The following R3HDM2 variants were observed in gnomAD, a reference collection of about 807,000 sequenced individuals.
The protein encoded by R3HDM2 is R3H domain-containing protein 2.
In R3HDM2, 38 loss-of-function variants were observed where a neutral mutation model predicts 124.5. That is an observed-to-expected ratio of 0.31 (90% CI 0.24 to 0.40). The LOEUF (loss-of-function observed/expected upper bound fraction) is 0.40, where lower values mean the gene tolerates loss of function less well. Ranked by LOEUF, R3HDM2 falls within the 10% of genes least tolerant of loss-of-function variation. The pLI, the probability that R3HDM2 is intolerant of heterozygous loss-of-function variation, is 1.00. For synonymous variants in R3HDM2, 391 were observed against 448.0 expected (o/e 0.87, Z 1.61); for missense variants, 869 against 1,236.9 (o/e 0.70, Z 4.46).
At chr12:57,346,570 T>A (rs2060114311) in intron 2 of R3HDM2, among the ~76,000 whole-genome samples, 1 of 152,108 alleles carries the variant, frequency 6.6e-6, no homozygotes, top group African/African-American at 2.4e-5. Flanking sequence ...AGAGAAAATA[T>A]CCTTCAGTAA....
chr12:57,360,469 TA>T (rs1207590893), intron 2 of R3HDM2, among the ~76,000 whole-genome samples: 5 of 151,954 alleles, frequency 3.3e-5, no homozygotes, highest in African/African-American at 7.2e-5. Context: ...CCCCCATCTC[TA>T]AAAAAAATTT....
chr12:57,393,043 A>C (rs2066952252), intron 2 of R3HDM2, among the ~76,000 whole-genome samples: 1 of 151,388 alleles, frequency 6.6e-6, no homozygotes, highest in South Asian at 2.1e-4. Context: ...TGACCTCGTG[A>C]TCCACCCGCC....
At chr12:57,316,034 T>C (rs2054936530) in intron 2 of R3HDM2, among the ~76,000 whole-genome samples, 1 of 152,142 alleles carries the variant, frequency 6.6e-6, no homozygotes, top group African/African-American at 2.4e-5. Context: ...GAGGCAGAGG[T>C]TGCAGTGAGC....
chr12:57,413,844 CCCCTT>C (rs1418731819), intron 1 of R3HDM2, among the ~76,000 whole-genome samples: 3 of 104,756 alleles, frequency 2.9e-5, no homozygotes, highest in African/African-American at 6.8e-5. Context: ...TGTAATCCCC[CCCCTT>C]TTTTTTTTTT....
intron 1 of R3HDM2, among the ~76,000 whole-genome samples, chr12:57,429,163 G>A (rs1868931646): frequency 6.6e-6 from 1 of 152,090 alleles, no homozygotes; most frequent in Admixed American, 6.6e-5. Flanking sequence ...GAGGCCAGAG[G>A]ATCACTTGAG....
intron 2 of R3HDM2, among the ~76,000 whole-genome samples, chr12:57,348,550 C>T (rs2060281384): frequency 6.6e-6 from 1 of 151,978 alleles, no homozygotes; most frequent in Non-Finnish European, 1.5e-5. Flanking sequence ...AAAAATTTGC[C>T]AGGTGTGGTG....
chr12:57,348,703 A>AG (rs2060310108), intron 2 of R3HDM2, among the ~76,000 whole-genome samples: 1 of 43,178 alleles, frequency 2.3e-5, no homozygotes, highest in Non-Finnish European at 6.1e-5. Flanking sequence ...CAAAAAAAAA[A>AG]AAAAAAAAAA....
At chr12:57,421,772 G>A (rs1016396641) in intron 1 of R3HDM2, among the ~76,000 whole-genome samples, 1 of 152,192 alleles carries the variant, frequency 6.6e-6, no homozygotes, top group South Asian at 2.1e-4. Flanking sequence ...CTCCCAAAGT[G>A]CTGGATTATA....
chr12:57,297,286 C>G, intron 8 of R3HDM2, 42 bp downstream of exon 8: 3 of 1,031,314 alleles, frequency 2.9e-6, no homozygotes, highest in Non-Finnish European at 4.3e-6. Context: ...TTTCCAGTGC[C>G]CCCTCCCACC....
In R3HDM2 at chr12:57,269,395, G is replaced by A; in HGVS notation, c.1642C>T (p.Arg548Ter). ...GQYPNSNQQY[R>*]PLSHPVAYSP... The stretch of plus-strand genomic sequence containing the variant: ...TAGGCCACCGGGTGAGAGAGAGGTC[G>A]ATATTGCTGGTTGGAGTTAGGATAT... The change falls in exon 16 of 24, where the codon CGA becomes TGA. Residue 548 changes from arginine to a stop codon, truncating the protein, a stop_gained. Transcript: ENST00000402412. LOFTEE classifies it high-confidence loss of function. 1.2e-6 allele frequency: 2 copies of A among 1,614,138 alleles called. No homozygotes were observed. The highest frequency in any genetic ancestry group is 1.7e-6 in the Non-Finnish European group (2 of 1,180,008).
chr12:57,272,689 G>T (rs1289511226), intron 14 of R3HDM2: 3 of 606,922 alleles, frequency 4.9e-6, no homozygotes, highest in South Asian at 2.0e-5. Flanking sequence ...AATCATAGAA[G>T]AAATTTCACA....
chr12:57,417,060 G>A (rs1358302314), intron 1 of R3HDM2, among the ~76,000 whole-genome samples: 1 of 151,934 alleles, frequency 6.6e-6, no homozygotes, highest in Non-Finnish European at 1.5e-5. Context: ...GGAGGTTGCA[G>A]TGAGCCGAGA....
chr12:57,426,088 C>G (rs935487683), intron 1 of R3HDM2, among the ~76,000 whole-genome samples: 1 of 151,948 alleles, frequency 6.6e-6, no homozygotes, highest in Non-Finnish European at 1.5e-5. Context: ...ATTATCCAGG[C>G]GTGGTAGCCG....
At chr12:57,393,181 G>A (rs997118986) in intron 2 of R3HDM2, among the ~76,000 whole-genome samples, 1 of 151,316 alleles carries the variant, frequency 6.6e-6, no homozygotes, top group Non-Finnish European at 1.5e-5. Flanking sequence ...TTGGCTCACT[G>A]CAACCTCCAC....
At chr12:57,399,230 C>T (rs1566487867) in intron 1 of R3HDM2, among the ~76,000 whole-genome samples, 1 of 151,758 alleles carries the variant, frequency 6.6e-6, no homozygotes. Flanking sequence ...GGTGAAACAC[C>T]GTCTCTACTA....
intron 2 of R3HDM2, among the ~76,000 whole-genome samples, chr12:57,328,146 A>C (rs1003222522): frequency 6.6e-6 from 1 of 150,384 alleles, no homozygotes; most frequent in Non-Finnish European, 1.5e-5. Flanking sequence ...ATCACAGCTC[A>C]CTGCAGCCTC....
intron 2 of R3HDM2, among the ~76,000 whole-genome samples, chr12:57,337,578 C>T (rs1331312684): frequency 6.6e-6 from 1 of 152,144 alleles, no homozygotes; most frequent in East Asian, 1.9e-4. Context: ...GTAGGCCTAT[C>T]TGCACGTTAA....
At position 57,254,101 on chromosome 12, in the gene R3HDM2, G is replaced by A. The variant is rs2038198299; in HGVS notation, c.*672C>T. ...AAGACCAAAAAAGGAAAGGAAGCTTGGGATGTTAAGGTAATAGGAGGACAG... is the reference window on the plus strand; with the variant it reads ...AAGACCAAAAAAGGAAAGGAAGCTTAGGATGTTAAGGTAATAGGAGGACAG... On this transcript the variant is annotated 3_prime_UTR_variant, in exon 24 of 24. Coordinates refer to ENST00000402412, the MANE Select transcript of R3HDM2 (RefSeq NM_001394031.1). 2.3e-6 allele frequency: 1 copy of A among 429,832 alleles called. No individual in the cohort carries two copies. Among genetic ancestry groups the A allele is most frequent in the Non-Finnish European group, 4.5e-6 (1 of 220,172 alleles). The allele number at this position is 429,832 out of a possible 1,614,324, so 26.6% of individuals were successfully genotyped here.
At chr12:57,323,869 G>A (rs2056857122) in intron 2 of R3HDM2, among the ~76,000 whole-genome samples, 1 of 152,042 alleles carries the variant, frequency 6.6e-6, no homozygotes, top group African/African-American at 2.4e-5. Flanking sequence ...GGAGCAGAGG[G>A]TCCTTTCCCT....
Sources: gnomAD v4.1 joint callset for allele counts (sites outside exome capture counted in the v4.1 genomes callset) on GRCh38, gnomAD v4.1.1 for gene constraint, MANE v1.5 for transcripts, NCBI Gene and HGNC (gene_info 2026-07-23, HGNC 2026-07-21) for gene names.